HMCN2: variants seen among roughly 807,000 people sequenced by gnomAD.
HMCN2 encodes hemicentin-2.
In HMCN2, 325 loss-of-function variants were observed where a neutral mutation model predicts 377.5. That is an observed-to-expected ratio of 0.86 (90% confidence interval 0.79 to 0.94). HMCN2 has a LOEUF of 0.94. HMCN2 is among the 40% of genes least tolerant of loss of function. The pLI, the probability that HMCN2 is intolerant of heterozygous loss-of-function variation, is 0.00. For synonymous variants in HMCN2, 2,007 were observed against 2,046.8 expected, an observed-to-expected ratio of 0.98 and a Z score of 0.53; for missense variants, 4,543 against 4,725.3, an observed-to-expected ratio of 0.96 and a Z score of 1.13.
chr9:130,270,307 C>T (rs113397796), intron 1 of HMCN2, among the ~76,000 whole-genome samples: 1,829 of 52,158 alleles, frequency 0.035, 115 homozygotes, highest in Non-Finnish European at 0.042. Flanking sequence ...TTTTTTTTTT[C>T]CCTATCACAA....
In HMCN2 at chr9:130,365,995, G is replaced by T; in HGVS notation, c.6625G>T (p.Gly2209Cys). ...CCCCAAGATCTCCTGGAGGAAGGAC[G>T]GTAGGATTGCTGCCCTCACCCAGCC... ...PFPKISWRKD[G>C]QPLPGEGAGL... is the part of the protein sequence containing the mutation. Residue 2209 changes from glycine to cysteine, a missense_variant and splice_region_variant, in exon 43 of 98, where the codon GGT becomes TGT. Physicochemically the swap from Gly to Cys is radical, Grantham distance 159. Transcript: ENST00000683500. 1 of 986,016 alleles carries T rather than the reference G, an allele frequency of 1.0e-6. No individual in the cohort carries two copies. The highest frequency in any genetic ancestry group is 1.2e-6 in the Non-Finnish European group (1 of 830,064). The allele number at this position is 986,016 out of a possible 1,614,324, so 61.1% of individuals were successfully genotyped here. A position where few individuals can be genotyped will look rare whatever the true frequency, so the allele number is the denominator to read the frequency against.
chr9:130,433,471 C>T lies in HMCN2; in HGVS notation c.15018C>T (p.Phe5006=). The T allele has an allele frequency of 6.7e-7, 1 of 1,500,264 alleles. No individual in the cohort carries two copies. The highest frequency in any genetic ancestry group is 8.8e-7 in the Non-Finnish European group (1 of 1,132,554). The allele number at this position is 1,500,264 out of a possible 1,614,324, so 92.9% of individuals were successfully genotyped here. A position where few individuals can be genotyped will look rare whatever the true frequency, so the allele number is the denominator to read the frequency against. Residue 5006 remains phenylalanine, a synonymous_variant, in exon 98 of 98, where the codon TTC becomes TTT. Coordinates refer to ENST00000683500, the MANE Select transcript of HMCN2 (RefSeq NM_001291815.2). ...ACGACGTGGCCCGCCTCACCGCCTTCTCCGAGGTCGGCGTCCCCGCCAACC... is the reference window on the plus strand; with the variant it reads ...ACGACGTGGCCCGCCTCACCGCCTTTTCCGAGGTCGGCGTCCCCGCCAACC... ...AHHDVARLTA[F]SEVGVPANRT...
At chr9:130,317,503 CTCTT>C (rs1304164205) in intron 15 of HMCN2, among the ~76,000 whole-genome samples, 2 of 107,716 alleles carry the variant, frequency 1.9e-5, no homozygotes, top group East Asian at 2.6e-4. Context: ...CTCTCTCTCT[CTCTT>C]TTTTGTAGAC....
intron 1 of HMCN2, among the ~76,000 whole-genome samples, chr9:130,283,035 T>C (rs1370875985): frequency 6.6e-6 from 1 of 152,122 alleles, no homozygotes; most frequent in Admixed American, 6.5e-5. Flanking sequence ...CATGCCACTA[T>C]ACTGCAGCCT....
chr9:130,408,900 G>T lies in HMCN2; in HGVS notation c.12846G>T (p.Leu4282=). 7.8e-7 allele frequency: 1 copy of T among 1,289,718 alleles called. No homozygotes were observed. Among genetic ancestry groups the T allele is most frequent in the Non-Finnish European group, 1.0e-6 (1 of 988,866 alleles). 79.9% of individuals were successfully genotyped at this position (1,289,718 alleles called of 1,614,324 possible). The stretch of plus-strand genomic sequence containing the variant: ...GGGGCAGCCACCTCCGGCACCAGCT[G>T]CAGAATGGCTCGCTGACCATCCGCA... The part of the protein sequence containing the change: ...PLRGSHLRHQ[L]QNGSLTIRRT... Residue 4282 remains leucine (L), a synonymous_variant, in exon 84 of 98, where the codon CTG becomes CTT. Transcript: ENST00000683500.
At position 130,349,017 on chromosome 9, in the gene HMCN2, G is replaced by C; in HGVS notation, c.4189G>C (p.Glu1397Gln). 7.7e-7 allele frequency: 1 copy of C among 1,304,154 alleles called. No individual in the cohort carries two copies. The highest frequency in any genetic ancestry group is 1.0e-6 in the Non-Finnish European group (1 of 988,918). 80.8% of individuals were successfully genotyped at this position (1,304,154 alleles called of 1,614,324 possible). ...GGTGGGCGGCCACCGCCTCCTGGAC[G>C]AGGGCCAGTCCCTCCACTTCCCCAG... ...PKVGGHRLLD[E>Q]GQSLHFPRIQ... Residue 1397 changes from glutamate to glutamine, a missense_variant, in exon 28 of 98, where the codon GAG (glutamate) becomes CAG (glutamine). Around this residue, in one of 5 missense-constraint regions of HMCN2, gnomAD observed 1,032 missense variants for 1,285.1 expected, o/e 0.80. Transcript: ENST00000683500.
intron 15 of HMCN2, among the ~76,000 whole-genome samples, chr9:130,317,318 A>T (rs1036262158): frequency 1.3e-5 from 2 of 152,122 alleles, no homozygotes. Flanking sequence ...TCATTGAGCC[A>T]TGAGTGAAAT....
At chr9:130,376,063 GC>G in intron 51 of HMCN2, 74 bp downstream of exon 51, 3 of 534,232 alleles carry the variant, frequency 5.6e-6, no homozygotes, top group Non-Finnish European at 7.2e-6. Flanking sequence ...AGGCACCTGA[GC>G]CACCCTTGGT....
intron 1 of HMCN2, among the ~76,000 whole-genome samples, chr9:130,271,965 A>G (rs1834431375): frequency 6.7e-6 from 1 of 149,354 alleles, no homozygotes; most frequent in South Asian, 2.1e-4. Context: ...AGGTATATGG[A>G]GAGTCAAACC....
intron 95 of HMCN2, chr9:130,430,807 T>A: frequency 1.7e-6 from 1 of 580,158 alleles, no homozygotes; most frequent in Middle Eastern, 4.5e-4. Flanking sequence ...GCTTCCAAGA[T>A]GGTGTGGACT....
chr9:130,267,694 C>T (rs1834196917), intron 1 of HMCN2, among the ~76,000 whole-genome samples: 1 of 152,226 alleles, frequency 6.6e-6, no homozygotes, highest in Non-Finnish European at 1.5e-5. Context: ...TTGGAGGCCC[C>T]TCTGCTTCCA....
At chr9:130,395,561 C>T (rs547450450) in intron 71 of HMCN2, among the ~76,000 whole-genome samples, 302 of 152,304 alleles carry the variant, frequency 2.0e-3, no homozygotes, top group Non-Finnish European at 3.1e-3. Context: ...TCACTCAGGG[C>T]TTCCGAGGCC....
In HMCN2 at chr9:130,307,349, G is replaced by T. The variant is rs780005239; in HGVS notation, c.2087-104G>T. On this transcript the variant is annotated intron_variant, in intron 13 of 97. Transcript: ENST00000683500. ...TGCTCCAGGGGCAGCAAGGAGGCCGGTGTGGTGAGTTGGGATGAGGGAGAG... is the reference window on the plus strand; with the variant it reads ...TGCTCCAGGGGCAGCAAGGAGGCCGTTGTGGTGAGTTGGGATGAGGGAGAG... The T allele has an allele frequency of 2.0e-5, 9 of 453,870 alleles. No homozygotes were observed. In the Middle Eastern group the frequency reaches 2.8e-3, roughly 142 times the overall value. 28.1% of individuals were successfully genotyped at this position (453,870 alleles called of 1,614,324 possible).
chr9:130,309,827 G>T, intron 14 of HMCN2, 85 bp from the exon 15 acceptor site: 1 of 352,414 alleles, frequency 2.8e-6, no homozygotes, highest in Non-Finnish European at 5.9e-6. Flanking sequence ...GCAGCCGCAG[G>T]AGCCAAGGGT....
At chr9:130,345,552 T>C (rs1319027549) in intron 25 of HMCN2, among the ~76,000 whole-genome samples, 1 of 148,804 alleles carries the variant, frequency 6.7e-6, no homozygotes, top group Admixed American at 6.7e-5. Context: ...GTGTGTGTAG[T>C]GCTTGGTGTG....
At chr9:130,411,413 C>T (rs770791179) in intron 85 of HMCN2, among the ~76,000 whole-genome samples, 2 of 151,798 alleles carry the variant, frequency 1.3e-5, no homozygotes, top group Non-Finnish European at 2.9e-5. Context: ...AACAGCCTGA[C>T]CAGCATAGTG....
At chr9:130,410,069 C>T (rs1843332142) in intron 84 of HMCN2, among the ~76,000 whole-genome samples, 1 of 152,184 alleles carries the variant, frequency 6.6e-6, no homozygotes, top group African/African-American at 2.4e-5. Context: ...CAATAAATGC[C>T]CTGAGAGGTC....
In HMCN2 at chr9:130,347,300, G is replaced by A. The variant is rs1278463426; in HGVS notation, c.3964G>A (p.Glu1322Lys). ...SVSPADSGDY[E>K]CQATNEVGST... is the part of the protein sequence containing the mutation. ...CTCACCTGCGGATAGTGGAGACTAC[G>A]AGTGCCAGGCCACCAACGAGGTGGG... The change falls in exon 26 of 98, where the codon GAG (glutamate) becomes AAG (lysine). Residue 1322 changes from glutamate to lysine, a missense_variant. Coordinates refer to ENST00000683500, the MANE Select transcript of HMCN2 (RefSeq NM_001291815.2). This position sits in a 1 kb window ranked among gnomAD's most constrained non-coding sequence, Gnocchi z 5.1. 6.6e-6 allele frequency: 1 copy of A among 152,138 alleles called. No homozygotes were observed. The highest frequency in any genetic ancestry group is 2.4e-5 in the African/African-American group (1 of 41,402). 9.4% of individuals were successfully genotyped at this position (152,138 alleles called of 1,614,324 possible).
intron 22 of HMCN2, among the ~76,000 whole-genome samples, chr9:130,332,926 C>T (rs1838503729): frequency 6.6e-6 from 1 of 152,270 alleles, no homozygotes; most frequent in Non-Finnish European, 1.5e-5. Flanking sequence ...CGGCCCTGCT[C>T]CTGGATGCTT....
Sources: gnomAD v4.1 joint callset for allele counts (sites outside exome capture counted in the v4.1 genomes callset) on GRCh38, gnomAD v4.1.1 for gene constraint, gnomAD v4.1.1 regional missense constraint, Gnocchi (gnomAD v3.1) non-coding constraint, MANE v1.5 for transcripts, NCBI Gene and HGNC (gene_info 2026-07-23, HGNC 2026-07-21) for gene names.